The following KIF7 variants were observed in gnomAD, a reference collection of about 807,000 sequenced individuals.
KIF7 encodes kinesin-like protein KIF7.
A neutral mutation model predicts 135.7 loss-of-function variants in KIF7; 104 were observed. The ratio of observed to expected loss-of-function variants is 0.77; its 90% CI spans 0.65 to 0.90. KIF7 has a LOEUF of 0.90. Ranked by LOEUF, KIF7 falls within the 40% of genes least tolerant of loss-of-function variation. KIF7 has a pLI of 0.00. For synonymous variants in KIF7, 883 were observed against 809.4 expected, an observed-to-expected ratio of 1.09 and a Z score of -1.54; for missense variants, 2,005 against 1,839.1, an observed-to-expected ratio of 1.09 and a Z score of -1.65.
intron 16 of KIF7, chr15:89,629,918 CTG>C: frequency 1.9e-6 from 1 of 517,022 alleles, no homozygotes; most frequent in South Asian, 2.2e-5. Context: ...GGGGCCTGTC[CTG>C]TGTGTTATAG....
chr15:89,635,807 G>C (rs1963794658), intron 11 of KIF7, among the ~76,000 whole-genome samples: 1 of 152,116 alleles, frequency 6.6e-6, no homozygotes, highest in African/African-American at 2.4e-5. Flanking sequence ...CCAACATTCA[G>C]ATTCAGGAAA....
At position 89,628,965 on chromosome 15, in the gene KIF7, C is replaced by G. The variant is rs745522633; in HGVS notation, c.3664+11G>C. 2 of 1,613,740 alleles carry G rather than the reference C, an allele frequency of 1.2e-6. No homozygotes were observed. The highest frequency in any genetic ancestry group is 2.2e-5 in the East Asian group (1 of 44,808). ...GAACAGGTCTGACTTCAGAGCGCGACGAGGAGTTACCCCTGCTGTGGCCTA... is the reference window on the plus strand; with the variant it reads ...GAACAGGTCTGACTTCAGAGCGCGAGGAGGAGTTACCCCTGCTGTGGCCTA... On this transcript the variant is annotated intron_variant, in intron 18 of 18. Coordinates refer to ENST00000394412, the MANE Select transcript of KIF7 (RefSeq NM_198525.3).
intron 1 of KIF7, chr15:89,621,343 G>T: frequency 6.4e-7 from 1 of 1,562,956 alleles, no homozygotes; most frequent in South Asian, 1.2e-5. Flanking sequence ...AGTATTGGAA[G>T]AACAGGAATT....
chr15:89,625,255 C>G (rs1567053806), downstream of KIF7: 1 of 1,613,118 alleles, frequency 6.2e-7, no homozygotes, highest in African/African-American at 1.3e-5. Context: ...GGCCTGTACC[C>G]CCACCCACGG....
chr15:89,655,072 G>C (rs1964186831), intron 1 of KIF7, among the ~76,000 whole-genome samples: 1 of 152,216 alleles, frequency 6.6e-6, no homozygotes, highest in South Asian at 2.1e-4. Context: ...GGCTGGAGGC[G>C]GCGGGCGCGG....
chr15:89,621,550 G>C, intron 1 of KIF7: 1 of 1,606,032 alleles, frequency 6.2e-7, no homozygotes, highest in Non-Finnish European at 8.5e-7. Flanking sequence ...CAGCTTACCA[G>C]GTATAATGTT....
intron 18 of KIF7, 36 bp downstream of exon 18, chr15:89,628,940 G>A: frequency 1.2e-6 from 2 of 1,613,880 alleles, no homozygotes; most frequent in Non-Finnish European, 8.5e-7. Flanking sequence ...CAAAGAAAGG[G>A]AACAGGTCTG....
rs189404241 is a variant in KIF7 at position 89,635,263 on chromosome 15, G to A, written c.2395-1380C>T. On this transcript the variant is annotated intron_variant, in intron 11 of 18. Coordinates refer to ENST00000394412, the MANE Select transcript of KIF7 (RefSeq NM_198525.3). ...AGAAAAAATGGAAACTCTAAAAAGCGGAGCGCCTCTCCTCCTTTAAAGGAA... is the reference window on the plus strand; with the variant it reads ...AGAAAAAATGGAAACTCTAAAAAGCAGAGCGCCTCTCCTCCTTTAAAGGAA... Among the ~76,000 whole-genome samples, 1,064 of 152,320 alleles carry A rather than the reference G, an allele frequency of 7.0e-3. 3 individuals are homozygous for A. Among genetic ancestry groups the A allele is most frequent in the Non-Finnish European group, 9.5e-3 (643 of 68,030 alleles).
chr15:89,650,496 C>T (rs528061501), intron 2 of KIF7, among the ~76,000 whole-genome samples: 1 of 152,282 alleles, frequency 6.6e-6, no homozygotes, highest in South Asian at 2.1e-4. Context: ...CGGTTTCAAG[C>T]GCTTCTCCTG....
intron 17 of KIF7, 91 bp downstream of exon 17, chr15:89,629,280 GCGGT>G: frequency 8.5e-7 from 1 of 1,171,000 alleles, no homozygotes; most frequent in Non-Finnish European, 1.2e-6. Context: ...AGTGGCAGGG[GCGGT>G]GGGGGGAGGG....
intron 8 of KIF7, 111 bp downstream of exon 8, chr15:89,645,782 C>G: frequency 7.0e-7 from 1 of 1,430,320 alleles, no homozygotes; most frequent in Non-Finnish European, 9.4e-7. Flanking sequence ...CATCCTAGGA[C>G]CCAGAGGCTT....
intron 1 of KIF7, chr15:89,619,930 T>C (rs907993420): frequency 4.0e-5 from 59 of 1,488,470 alleles, no homozygotes; most frequent in Middle Eastern, 1.8e-4. Flanking sequence ...TTTGACATTT[T>C]CTTTCTTGAC....
At chr15:89,631,427 G>A (rs1963672583) in intron 15 of KIF7, 68 bp downstream of exon 15, 1 of 1,390,028 alleles carries the variant, frequency 7.2e-7, no homozygotes, top group Non-Finnish European at 9.9e-7. Context: ...CTGGAGCAAG[G>A]GCTGAGGAGA....
At chr15:89,634,759 C>T (rs1042792045) in intron 11 of KIF7, among the ~76,000 whole-genome samples, 2 of 152,186 alleles carry the variant, frequency 1.3e-5, no homozygotes, top group African/African-American at 4.8e-5. Context: ...GAGGGGTGCC[C>T]ACCATTGCCC....
At chr15:89,651,738 T>C (rs938314995) in intron 2 of KIF7, among the ~76,000 whole-genome samples, 1 of 152,232 alleles carries the variant, frequency 6.6e-6, no homozygotes, top group Non-Finnish European at 1.5e-5. Flanking sequence ...ACAAAGTATC[T>C]TTCTGTAACT....
intron 1 of KIF7, chr15:89,618,248 C>T: frequency 4.4e-6 from 7 of 1,587,414 alleles, no homozygotes; most frequent in Non-Finnish European, 6.1e-6. Context: ...TGCAATCTAC[C>T]CAGCTTCTAT....
chr15:89,624,579 C>T (rs913880888), downstream of KIF7: 2 of 1,613,782 alleles, frequency 1.2e-6, no homozygotes, highest in African/African-American at 2.7e-5. Flanking sequence ...CTAGAGATGA[C>T]CAGAAGGGAC....
At chr15:89,629,688 A>G (rs921779550) in intron 16 of KIF7, 115 bp from the exon 17 acceptor site, 1 of 1,404,706 alleles carries the variant, frequency 7.1e-7, no homozygotes, top group Non-Finnish European at 9.7e-7. Context: ...AGAAATCACC[A>G]GGGTCTTCCC....
At chr15:89,642,473 C>G in intron 10 of KIF7, 68 bp from the exon 11 acceptor site, 1 of 1,441,730 alleles carries the variant, frequency 6.9e-7, no homozygotes, top group Non-Finnish European at 9.4e-7. Context: ...GTTTGTCCCC[C>G]TGGGAGGTTT....
Sources: allele counts gnomAD v4.1 joint callset (sites outside exome capture counted in the v4.1 genomes callset), GRCh38; gene constraint gnomAD v4.1.1; transcripts MANE v1.5; gene names NCBI Gene and HGNC (gene_info 2026-07-23, HGNC 2026-07-21).